ATP9B: variants seen among roughly 807,000 people sequenced by gnomAD.
The protein encoded by ATP9B is probable phospholipid-transporting ATPase IIB.
Under a neutral mutation model 146.1 loss-of-function variants are expected in ATP9B, and 110 were observed. The ratio of observed to expected loss-of-function variants is 0.75; its 90% confidence interval spans 0.65 to 0.88. ATP9B has a LOEUF of 0.88. Ranked by LOEUF, ATP9B falls within the 40% of genes least tolerant of loss-of-function variation. ATP9B has a pLI of 0.00. For synonymous variants in ATP9B, 604 were observed against 569.7 expected (o/e 1.06, Z -0.86); for missense variants, 1,499 against 1,496.4 (o/e 1.00, Z -0.03).
chr18:79,152,226 G>A (rs8090474), intron 6 of ATP9B, among the ~76,000 whole-genome samples: 10,253 of 152,256 alleles, frequency 0.067, 413 homozygotes, highest in Non-Finnish European at 0.095. Context: ...ACTGTTGGTG[G>A]GAGTGTAAAT....
chr18:79,366,135 G>A (rs992483974), intron 26 of ATP9B, among the ~76,000 whole-genome samples: 35 of 152,260 alleles, frequency 2.3e-4, no homozygotes, highest in Non-Finnish European at 4.0e-4. Flanking sequence ...GGGAGGTGCA[G>A]AACTGTAGGG....
chr18:79,321,407 G>C (rs1479078641), intron 15 of ATP9B, among the ~76,000 whole-genome samples: 6 of 147,906 alleles, frequency 4.1e-5, no homozygotes, highest in Non-Finnish European at 5.9e-5. Context: ...TTTTGAGGCA[G>C]AGTCTCGCTC....
At chr18:79,312,530 C>G (rs369201966) in intron 15 of ATP9B, among the ~76,000 whole-genome samples, 157 of 152,296 alleles carry the variant, frequency 1.0e-3, no homozygotes, top group African/African-American at 3.7e-3. Flanking sequence ...GTGGGCATCC[C>G]TCTCCGTGTT....
At chr18:79,196,793 G>A (rs1337307377) in intron 9 of ATP9B, among the ~76,000 whole-genome samples, 1 of 152,154 alleles carries the variant, frequency 6.6e-6, no homozygotes, top group Non-Finnish European at 1.5e-5. Flanking sequence ...GGAAACAGGA[G>A]TTGCAGTCTT....
intron 13 of ATP9B, among the ~76,000 whole-genome samples, chr18:79,280,133 C>T (rs1417970637): frequency 6.6e-6 from 1 of 152,152 alleles, no homozygotes; most frequent in Non-Finnish European, 1.5e-5. Flanking sequence ...AATGTTCTTA[C>T]AGTTGAATAC....
intron 9 of ATP9B, among the ~76,000 whole-genome samples, chr18:79,198,361 T>C (rs574154841): frequency 2.6e-5 from 4 of 152,330 alleles, no homozygotes; most frequent in South Asian, 2.1e-4. Flanking sequence ...GAGTTACTTA[T>C]AGTAATATCA....
chr18:79,272,233 A>G (rs983449707), intron 12 of ATP9B, among the ~76,000 whole-genome samples: 6 of 152,276 alleles, frequency 3.9e-5, no homozygotes, highest in African/African-American at 1.4e-4. Flanking sequence ...CCAAGACTAC[A>G]TTTGTTTGTC....
chr18:79,299,099 T>G (rs1386390884), intron 13 of ATP9B, among the ~76,000 whole-genome samples: 1 of 152,198 alleles, frequency 6.6e-6, no homozygotes, highest in African/African-American at 2.4e-5. Flanking sequence ...CACGTAGACC[T>G]TGATCCCAGT....
intron 11 of ATP9B, among the ~76,000 whole-genome samples, chr18:79,227,529 G>A (rs952701349): frequency 3.9e-5 from 6 of 152,104 alleles, no homozygotes; most frequent in Non-Finnish European, 5.9e-5. Context: ...GTGGATGGGT[G>A]GATGGATGAT....
chr18:79,319,187 A>G (rs576043210), intron 15 of ATP9B, among the ~76,000 whole-genome samples: 15 of 152,366 alleles, frequency 9.8e-5, no homozygotes, highest in South Asian at 2.1e-4. Flanking sequence ...TTGGAGACCC[A>G]TGTCAGACAC....
At chr18:79,269,937 A>C (rs1182371784) in intron 12 of ATP9B, among the ~76,000 whole-genome samples, 4 of 152,214 alleles carry the variant, frequency 2.6e-5, no homozygotes, top group Non-Finnish European at 5.9e-5. Context: ...TTGGATAGAA[A>C]ACTAAGCTTT....
At chr18:79,204,865 C>T (rs760090973) in intron 9 of ATP9B, among the ~76,000 whole-genome samples, 1 of 152,092 alleles carries the variant, frequency 6.6e-6, no homozygotes, top group Non-Finnish European at 1.5e-5. Flanking sequence ...TTGTAGATGA[C>T]GTAACCAAGG....
chr18:79,073,321 C>T (rs2072181924), intron 1 of ATP9B, among the ~76,000 whole-genome samples: 1 of 152,178 alleles, frequency 6.6e-6, no homozygotes, highest in Non-Finnish European at 1.5e-5. Context: ...CACCCCACTG[C>T]ACTCCAGCCT....
At chr18:79,303,042 G>A (rs1042467581) in intron 13 of ATP9B, among the ~76,000 whole-genome samples, 2 of 152,122 alleles carry the variant, frequency 1.3e-5, no homozygotes, top group Non-Finnish European at 2.9e-5. Context: ...AGGCAATGAC[G>A]GACTTTCTTC....
chr18:79,297,664 C>A (rs1599742132), intron 13 of ATP9B, among the ~76,000 whole-genome samples: 1 of 152,192 alleles, frequency 6.6e-6, no homozygotes, highest in Admixed American at 6.5e-5. Flanking sequence ...ATCAAAAATT[C>A]TCTTCTTAAT....
chr18:79,141,998 A>G (rs2094520020), intron 5 of ATP9B, among the ~76,000 whole-genome samples: 3 of 152,342 alleles, frequency 2.0e-5, no homozygotes, highest in African/African-American at 4.8e-5. Context: ...CTAGGACTTG[A>G]TAACAATATG....
chr18:79,335,214 C>CTGA (rs1039366521), intron 17 of ATP9B, among the ~76,000 whole-genome samples: 17 of 152,326 alleles, frequency 1.1e-4, no homozygotes, highest in African/African-American at 4.1e-4. Flanking sequence ...CTTTTAAAAC[C>CTGA]TGACCCTCGT....
chr18:79,082,263 A>T (rs1454283389), intron 1 of ATP9B, among the ~76,000 whole-genome samples: 1 of 152,102 alleles, frequency 6.6e-6, no homozygotes, highest in Non-Finnish European at 1.5e-5. Flanking sequence ...CAGGTAATTT[A>T]TGTTCTTCTC....
At chr18:79,156,221 A>G (rs2094778518) in intron 7 of ATP9B, among the ~76,000 whole-genome samples, 1 of 152,092 alleles carries the variant, frequency 6.6e-6, no homozygotes, top group South Asian at 2.1e-4. Flanking sequence ...TATTTTCCCA[A>G]CTGTGGCAGG....
Sources: allele counts gnomAD v4.1 joint callset (sites outside exome capture counted in the v4.1 genomes callset), GRCh38; gene constraint gnomAD v4.1.1; transcripts MANE v1.5; gene names NCBI Gene and HGNC (gene_info 2026-07-23, HGNC 2026-07-21).